The following PPARGC1A variants were observed in gnomAD, a reference collection of about 807,000 sequenced individuals.
PPARGC1A encodes peroxisome proliferator-activated receptor gamma coactivator 1-alpha.
PPARGC1A carries 25 observed loss-of-function variants against 88.7 expected under a neutral mutation model. That is an observed-to-expected ratio of 0.28 (90% confidence interval 0.21 to 0.39). The LOEUF (loss-of-function observed/expected upper bound fraction) is 0.39. PPARGC1A is among the 10% of genes least tolerant of loss of function. The pLI is 1.00. For missense variants in PPARGC1A, 880 were observed against 968.7 expected (o/e 0.91, Z 1.22); for synonymous variants, 363 against 355.6 (o/e 1.02, Z -0.24).
At chr4:24,070,381 A>C in the PPARGC1A span, among the ~76,000 whole-genome samples, 1 of 152,212 alleles carries the variant, frequency 6.6e-6, no homozygotes, top group African/African-American at 2.4e-5. Context: ...GATGGCAAAC[A>C]TATCTGGCTG....
the PPARGC1A span, among the ~76,000 whole-genome samples, chr4:24,453,169 C>G: frequency 6.6e-6 from 1 of 152,194 alleles, no homozygotes; most frequent in African/African-American, 2.4e-5. Context: ...GGGCCTAGAA[C>G]AGAGCCTTTC....
At chr4:23,850,757 C>A (rs759119425) in intron 2 of PPARGC1A, among the ~76,000 whole-genome samples, 3 of 152,054 alleles carry the variant, frequency 2.0e-5, no homozygotes, top group Non-Finnish European at 2.9e-5. Context: ...ATTAAATCAC[C>A]TTTTTACGTA....
the PPARGC1A span, among the ~76,000 whole-genome samples, chr4:24,404,228 A>G: frequency 6.6e-6 from 1 of 152,110 alleles, no homozygotes; most frequent in Admixed American, 6.5e-5. Context: ...GCGCCACCGC[A>G]CTCCAGCCTG....
At chr4:24,281,341 GT>G in the PPARGC1A span, among the ~76,000 whole-genome samples, 1 of 152,220 alleles carries the variant, frequency 6.6e-6, no homozygotes, top group Admixed American at 6.5e-5. Flanking sequence ...TCTACATCTG[GT>G]GAGAGCCTCA....
chr4:24,108,882 A>G, the PPARGC1A span, among the ~76,000 whole-genome samples: 2 of 152,248 alleles, frequency 1.3e-5, no homozygotes, highest in South Asian at 4.1e-4. Flanking sequence ...TTGAGAGAAA[A>G]AGATGGGAAG....
chr4:23,903,052 T>C (rs999345754), upstream of PPARGC1A, among the ~76,000 whole-genome samples: 1 of 152,168 alleles, frequency 6.6e-6, no homozygotes, highest in African/African-American at 2.4e-5. Context: ...TGCAGTACTT[T>C]ACAGAAAACT....
At chr4:24,418,967 ACT>A in the PPARGC1A span, among the ~76,000 whole-genome samples, 11 of 152,112 alleles carry the variant, frequency 7.2e-5, no homozygotes, top group East Asian at 2.1e-3. Context: ...ACTCTTTGAC[ACT>A]CTTAGTAGAT....
At chr4:24,055,469 T>C in the PPARGC1A span, among the ~76,000 whole-genome samples, 1 of 152,186 alleles carries the variant, frequency 6.6e-6, no homozygotes, top group Admixed American at 6.5e-5. Context: ...AAAGAAAAGA[T>C]GTTTATCGAA....
chr4:23,797,683 T>C lies in PPARGC1A; in HGVS notation c.2294-1758A>G, dbSNP rs116808995. Reference sequence around the variant, plus strand: ...TAGTGTTCACATATATACCCACTTATACAGGCACACTGTTACTCAGAAAAC... The same window carrying C: ...TAGTGTTCACATATATACCCACTTACACAGGCACACTGTTACTCAGAAAAC... On this transcript the variant is annotated intron_variant, in intron 12 of 12. Transcript: ENST00000264867. Among the ~76,000 whole-genome samples the C allele has an allele frequency of 2.9e-3, 435 of 151,554 alleles. 3 individuals are homozygous for C. The highest frequency in any genetic ancestry group is 0.01 in the African/African-American group (414 of 41,330).
the PPARGC1A span, among the ~76,000 whole-genome samples, chr4:24,143,043 C>T: frequency 2.0e-5 from 3 of 152,090 alleles, no homozygotes; most frequent in African/African-American, 7.2e-5. Flanking sequence ...CAAGTAAGGA[C>T]ATTATCAGCA....
At chr4:24,235,536 G>C in the PPARGC1A span, among the ~76,000 whole-genome samples, 1 of 152,076 alleles carries the variant, frequency 6.6e-6, no homozygotes, top group Non-Finnish European at 1.5e-5. Flanking sequence ...TTCTATTTCT[G>C]ACCTACACCT....
At chr4:24,357,759 T>G in the PPARGC1A span, among the ~76,000 whole-genome samples, 1 of 152,218 alleles carries the variant, frequency 6.6e-6, no homozygotes, top group Non-Finnish European at 1.5e-5. Flanking sequence ...TCATGATATC[T>G]GATGGTTTTT....
chr4:24,123,169 A>T, the PPARGC1A span, among the ~76,000 whole-genome samples: 6,771 of 152,268 alleles, frequency 0.044, 204 homozygotes, highest in East Asian at 0.17. Flanking sequence ...AGATTCCTGG[A>T]ATCACTGCAG....
chr4:24,049,264 A>ATATGTGTG, the PPARGC1A span, among the ~76,000 whole-genome samples: 6 of 142,444 alleles, frequency 4.2e-5, no homozygotes, highest in African/African-American at 1.6e-4. Flanking sequence ...ATGTATATAA[A>ATATGTGTG]TACATATATA....
the PPARGC1A span, among the ~76,000 whole-genome samples, chr4:24,456,887 T>C: frequency 6.6e-6 from 1 of 151,708 alleles, no homozygotes; most frequent in African/African-American, 2.4e-5. Flanking sequence ...CAAAGTATGG[T>C]GGGGATGAAG....
At chr4:23,842,752 T>G (rs542213135) in intron 2 of PPARGC1A, among the ~76,000 whole-genome samples, 24 of 152,172 alleles carry the variant, frequency 1.6e-4, no homozygotes, top group African/African-American at 5.5e-4. Context: ...CCCTGGGAGG[T>G]AGAGCCTAGG....
chr4:24,059,723 C>T, the PPARGC1A span, among the ~76,000 whole-genome samples: 2 of 152,204 alleles, frequency 1.3e-5, no homozygotes, highest in African/African-American at 4.8e-5. Flanking sequence ...ACCACATTCG[C>T]AATTCTGGAT....
chr4:23,887,752 AAG>A (rs1327050631), intron 1 of PPARGC1A, among the ~76,000 whole-genome samples: 2 of 152,022 alleles, frequency 1.3e-5, no homozygotes, highest in Admixed American at 6.6e-5. Context: ...GTAAATTTTA[AAG>A]AGAGAGAGAG....
the PPARGC1A span, among the ~76,000 whole-genome samples, chr4:24,401,155 G>C: frequency 6.6e-6 from 1 of 151,206 alleles, no homozygotes; most frequent in Non-Finnish European, 1.5e-5. Context: ...AGTAGCTGGG[G>C]CTACAGGCGC....
Sources: gnomAD v4.1 joint callset for allele counts (sites outside exome capture counted in the v4.1 genomes callset) on GRCh38, gnomAD v4.1.1 for gene constraint, MANE v1.5 for transcripts, NCBI Gene and HGNC (gene_info 2026-07-23, HGNC 2026-07-21) for gene names.